The following SPRR2G variants were observed in gnomAD, a reference collection of about 807,000 sequenced individuals.
The protein encoded by SPRR2G is small proline-rich protein 2G.
SPRR2G carries 1 observed loss-of-function variant against 0.7 expected under a neutral mutation model. That is an observed-to-expected ratio of 1.49 (90% CI 0.53 to 7.06). The LOEUF (loss-of-function observed/expected upper bound fraction) is 7.06. Ranked by LOEUF, SPRR2G falls within the 30% of genes most tolerant of loss-of-function variation. The pLI is 0.14. For synonymous variants in SPRR2G, 38 were observed against 33.9 expected (o/e 1.12, Z -0.42); for missense variants, 96 against 88.5 (o/e 1.09, Z -0.34).
the SPRR2G span, among the ~76,000 whole-genome samples, chr1:153,188,996 G>A: frequency 1.3e-5 from 2 of 152,146 alleles, no homozygotes; most frequent in African/African-American, 4.8e-5. Context: ...TGTCTAACCA[G>A]TCCCAATGAG....
At chr1:153,193,561 C>T in the SPRR2G span, among the ~76,000 whole-genome samples, 1 of 152,154 alleles carries the variant, frequency 6.6e-6, no homozygotes, top group Non-Finnish European at 1.5e-5. Flanking sequence ...TCCTAAAGAG[C>T]AGAGCTAGAG....
chr1:153,189,706 G>A, the SPRR2G span, among the ~76,000 whole-genome samples: 1 of 152,202 alleles, frequency 6.6e-6, no homozygotes, highest in Non-Finnish European at 1.5e-5. Context: ...CATGACAAGG[G>A]ATACTAATGT....
chr1:153,167,131 C>A, the SPRR2G span, among the ~76,000 whole-genome samples: 2 of 152,072 alleles, frequency 1.3e-5, no homozygotes, highest in Admixed American at 6.6e-5. Context: ...TGCCATACTG[C>A]AGTTAATGAT....
the SPRR2G span, among the ~76,000 whole-genome samples, chr1:153,166,259 G>T: frequency 6.6e-6 from 1 of 152,266 alleles, no homozygotes; most frequent in South Asian, 2.1e-4. Flanking sequence ...GCCCTGCCTT[G>T]TACCAAGGAG....
chr1:153,150,251 T>C (rs1656437959), intron 1 of SPRR2G, 120 bp from the exon 2 acceptor site: 1 of 1,412,626 alleles, frequency 7.1e-7, no homozygotes, highest in Non-Finnish European at 9.4e-7. Context: ...ACAGTCTTTA[T>C]GACTTTGTGA....
the SPRR2G span, among the ~76,000 whole-genome samples, chr1:153,175,335 G>GA: frequency 0.013 from 2,015 of 152,228 alleles, 45 homozygotes; most frequent in African/African-American, 0.038. Context: ...GTTACACTTA[G>GA]AAAAAATAGT....
At chr1:153,201,209 G>A in the SPRR2G span, among the ~76,000 whole-genome samples, 2 of 152,160 alleles carry the variant, frequency 1.3e-5, no homozygotes, top group Non-Finnish European at 2.9e-5. Context: ...TAAGTGAAAG[G>A]TAAGGCTAGT....
At chr1:153,157,071 C>T in the SPRR2G span, among the ~76,000 whole-genome samples, 3 of 152,124 alleles carry the variant, frequency 2.0e-5, no homozygotes, top group African/African-American at 7.2e-5. Context: ...GAATATCACA[C>T]CACTTTCTAC....
chr1:153,177,664 A>AAG, the SPRR2G span, among the ~76,000 whole-genome samples: 1 of 152,096 alleles, frequency 6.6e-6, no homozygotes, highest in East Asian at 1.9e-4. Flanking sequence ...ATGTAGGTCT[A>AAG]TTTCTGAGTT....
chr1:153,160,088 C>T, the SPRR2G span, among the ~76,000 whole-genome samples: 1 of 152,190 alleles, frequency 6.6e-6, no homozygotes, highest in Admixed American at 6.5e-5. Flanking sequence ...ACCCTGGCAA[C>T]CACCATTCTT....
At chr1:153,159,215 C>A in the SPRR2G span, among the ~76,000 whole-genome samples, 1 of 152,190 alleles carries the variant, frequency 6.6e-6, no homozygotes, top group Non-Finnish European at 1.5e-5. Flanking sequence ...CTCTTGAATT[C>A]TTTGCTGCTC....
chr1:153,172,241 G>A, the SPRR2G span, among the ~76,000 whole-genome samples: 1 of 152,102 alleles, frequency 6.6e-6, no homozygotes, highest in Non-Finnish European at 1.5e-5. Flanking sequence ...AGAAGACCAG[G>A]TCTACTTCTC....
the SPRR2G span, among the ~76,000 whole-genome samples, chr1:153,164,845 C>T: frequency 1.3e-5 from 2 of 152,156 alleles, no homozygotes; most frequent in Admixed American, 1.3e-4. Context: ...CATGGAGTAA[C>T]AGCTGTATGT....
At chr1:153,189,319 T>G in the SPRR2G span, among the ~76,000 whole-genome samples, 1 of 152,150 alleles carries the variant, frequency 6.6e-6, no homozygotes, top group African/African-American at 2.4e-5. Flanking sequence ...ATTGAAATAT[T>G]TGTCTATTAT....
chr1:153,199,760 T>A, the SPRR2G span, among the ~76,000 whole-genome samples: 1 of 152,112 alleles, frequency 6.6e-6, no homozygotes, highest in Non-Finnish European at 1.5e-5. Context: ...TAAATAGAAG[T>A]AAGAAATCAT....
At chr1:153,177,482 A>C in the SPRR2G span, among the ~76,000 whole-genome samples, 1 of 152,158 alleles carries the variant, frequency 6.6e-6, no homozygotes, top group South Asian at 2.1e-4. Flanking sequence ...TGAGAGTTCC[A>C]GGGGCTCCAC....
chr1:153,163,775 T>C, the SPRR2G span, among the ~76,000 whole-genome samples: 39 of 152,280 alleles, frequency 2.6e-4, no homozygotes, highest in South Asian at 7.7e-3. Flanking sequence ...GCCATAGGAA[T>C]GATATTCCTA....
chr1:153,176,001 G>A, the SPRR2G span: 1 of 152,158 alleles, frequency 6.6e-6, no homozygotes, highest in Admixed American at 6.5e-5. Context: ...AGGCTGCAGT[G>A]AGCCGAGATC....
At chr1:153,191,837 C>T in the SPRR2G span, among the ~76,000 whole-genome samples, 36 of 152,268 alleles carry the variant, frequency 2.4e-4, no homozygotes, top group African/African-American at 8.4e-4. Context: ...TTGGTCTCAG[C>T]TTACTTGTGG....
Sources: gnomAD v4.1 joint callset for allele counts (sites outside exome capture counted in the v4.1 genomes callset) on GRCh38, gnomAD v4.1.1 for gene constraint, MANE v1.5 for transcripts, NCBI Gene and HGNC (gene_info 2026-07-23, HGNC 2026-07-21) for gene names.